Variants in JARID2 observed in about 807,000 individuals in gnomAD.
The protein encoded by JARID2 is jumonji and AT-rich interaction domain containing 2, also known as protein Jumonji.
Under a neutral mutation model 125.6 loss-of-function variants are expected in JARID2, and 21 were observed. The observed-to-expected ratio is 0.17, with a 90% CI of 0.12 to 0.24. The LOEUF is 0.24. Among genes scored for constraint, JARID2 ranks in the 10% least tolerant of loss-of-function variants. JARID2 has a pLI of 1.00. For missense variants in JARID2, 1,303 were observed against 1,639.6 expected, an observed-to-expected ratio of 0.79 and a Z score of 3.55; for synonymous variants, 736 against 661.6, an observed-to-expected ratio of 1.11 and a Z score of -1.73.
chr6:15,518,468 G>T (rs1771671800), intron 17 of JARID2, among the ~76,000 whole-genome samples: 1 of 152,170 alleles, frequency 6.6e-6, no homozygotes, highest in Non-Finnish European at 1.5e-5. Flanking sequence ...CTGTGCCTCT[G>T]TCCCCTGTTG....
At chr6:15,252,779 A>G (rs1176504079) in intron 1 of JARID2, among the ~76,000 whole-genome samples, 1 of 152,132 alleles carries the variant, frequency 6.6e-6, no homozygotes, top group Non-Finnish European at 1.5e-5. Flanking sequence ...CCTCCAGATA[A>G]CTGTACTCTT....
At chr6:15,400,742 CCTT>C (rs1765396105) in intron 2 of JARID2, 4 of 939,744 alleles carry the variant, frequency 4.3e-6, no homozygotes, top group African/African-American at 1.8e-5. Flanking sequence ...ACATAAATAA[CCTT>C]CTCTCCTGGC....
At chr6:15,403,909 G>A (rs1238021267) in intron 2 of JARID2, among the ~76,000 whole-genome samples, 3 of 152,134 alleles carry the variant, frequency 2.0e-5, no homozygotes, top group Non-Finnish European at 4.4e-5. Context: ...AGTAGTGATG[G>A]GTGGGGGTGT....
rs1759189299 is a variant in JARID2, at chr6:15,246,560, G to A, written c.21G>A (p.Lys7=). 1 of 1,613,574 alleles carries A rather than the reference G, an allele frequency of 6.2e-7. No individual in the cohort carries two copies. The highest frequency in any genetic ancestry group is 8.5e-7 in the Non-Finnish European group (1 of 1,179,634). ...TCAGAATGAGCAAGGAAAGACCCAA[G>A]AGGAATATCATTCAGAAGAAATACG... is the stretch of plus-strand genomic sequence containing the variant. MSKERP[K]RNIIQKKYDD... The change falls in exon 1 of 18, where the codon AAG becomes AAA. Residue 7 remains lysine, a synonymous_variant. Transcript: ENST00000341776.
At chr6:15,251,104 C>T (rs916923758) in intron 1 of JARID2, among the ~76,000 whole-genome samples, 5 of 152,018 alleles carry the variant, frequency 3.3e-5, no homozygotes, top group African/African-American at 9.7e-5. Flanking sequence ...CACTGTCTTC[C>T]GGGTTCAATC....
At position 15,496,157 on chromosome 6, in the gene JARID2, G is replaced by A. The variant is rs1040870474; in HGVS notation, c.932G>A (p.Arg311Gln). The A allele has an allele frequency of 1.9e-6, 3 of 1,613,318 alleles. No homozygotes were observed. Among genetic ancestry groups the A allele is most frequent in the Admixed American group, 1.7e-5 (1 of 59,992 alleles). ...GTTTCTAAGGTAAACGGAGTCACTC[G>A]AATGTCATCTCTGGGTGCAGGTGTA... The part of the protein sequence containing the change: ...KQVSKVNGVT[R>Q]MSSLGAGVTS... The change falls in exon 7 of 18, where the codon CGA becomes CAA. Residue 311 changes from arginine to glutamine, a missense_variant. This residue lies in a region of JARID2 where 651 missense variants were observed against 581.6 expected (regional missense o/e 1.12). Coordinates refer to ENST00000341776, the MANE Select transcript of JARID2 (RefSeq NM_004973.4).
intron 3 of JARID2, among the ~76,000 whole-genome samples, chr6:15,448,976 A>G (rs953330776): frequency 1.3e-5 from 2 of 152,254 alleles, no homozygotes; most frequent in African/African-American, 4.8e-5. Flanking sequence ...TAATTAAAAA[A>G]AAAAAGACAT....
At chr6:15,248,159 G>T in intron 1 of JARID2, 1 of 887,332 alleles carries the variant, frequency 1.1e-6, no homozygotes, top group South Asian at 5.2e-5. Flanking sequence ...GGGAGGCACG[G>T]CACGAGTTAA....
rs745910520 is a variant in JARID2, at chr6:15,413,002, G to GTTTTTTTTTTTTTTTTT, written c.323+2642_323+2643insTTTTTTTTTTTTTTTTT. ...AACATTATACATGGGAAGAGCTTGTGTTTTTGTTTTTTTTTTTTTTGTTTT... is the reference window on the plus strand; with the variant it reads ...AACATTATACATGGGAAGAGCTTGTGTTTTTTTTTTTTTTTTTTTTTTGTTTTTTTTTTTTTTGTTTT... On this transcript the variant is annotated intron_variant, in intron 3 of 17. Coordinates refer to ENST00000341776, the MANE Select transcript of JARID2 (RefSeq NM_004973.4). 8.4e-4 allele frequency among the ~76,000 whole-genome samples: 39 copies of GTTTTTTTTTTTTTTTTT among 46,556 alleles called. 7 individuals carry two copies. The highest frequency in any genetic ancestry group is 1.1e-3 in the African/African-American group (12 of 10,770). The allele number at this position is 46,556 out of a possible 152,430, so 30.5% of individuals were successfully genotyped here. A position where few individuals can be genotyped will look rare whatever the true frequency, so the allele number is the denominator to read the frequency against.
intron 1 of JARID2, among the ~76,000 whole-genome samples, chr6:15,352,434 A>G (rs564760218): frequency 6.6e-6 from 1 of 152,294 alleles, no homozygotes; most frequent in East Asian, 1.9e-4. Context: ...GTAGATTACT[A>G]AGTAAAAAGT....
intron 1 of JARID2, among the ~76,000 whole-genome samples, chr6:15,252,344 T>A (rs747000554): frequency 6.6e-6 from 1 of 152,238 alleles, no homozygotes; most frequent in Non-Finnish European, 1.5e-5. Context: ...TCTAACAAAC[T>A]TGTTCCCATT....
chr6:15,349,869 A>C (rs1301085575), intron 1 of JARID2, among the ~76,000 whole-genome samples: 1 of 152,150 alleles, frequency 6.6e-6, no homozygotes, highest in Non-Finnish European at 1.5e-5. Context: ...TTTGGAGATG[A>C]GACGGACACC....
intron 1 of JARID2, among the ~76,000 whole-genome samples, chr6:15,300,720 T>TGAGAGAGAGAGA (rs1264622122): frequency 3.1e-5 from 4 of 130,100 alleles, no homozygotes; most frequent in Non-Finnish European, 6.3e-5. Flanking sequence ...TGTGTGTGTG[T>TGAGAGAGAGAGA]GTGAGAGAGA....
intron 1 of JARID2, among the ~76,000 whole-genome samples, chr6:15,339,727 G>C (rs1374281295): frequency 6.6e-6 from 1 of 151,988 alleles, no homozygotes; most frequent in Non-Finnish European, 1.5e-5. Context: ...TGGAGACAGG[G>C]TTTCACCATG....
intron 1 of JARID2, among the ~76,000 whole-genome samples, chr6:15,296,434 C>A (rs1018085800): frequency 6.6e-6 from 1 of 152,024 alleles, no homozygotes; most frequent in South Asian, 2.1e-4. Flanking sequence ...TTATGTTTTA[C>A]GAGTGGTTTT....
At chr6:15,445,374 C>T (rs1365656963) in intron 3 of JARID2, among the ~76,000 whole-genome samples, 1 of 152,192 alleles carries the variant, frequency 6.6e-6, no homozygotes, top group African/African-American at 2.4e-5. Context: ...TGTGCTCCTT[C>T]GTTCTCATAA....
At chr6:15,373,998 A>C (rs1317770343) in intron 1 of JARID2, 119 bp from the exon 2 acceptor site, 6 of 1,121,852 alleles carry the variant, frequency 5.3e-6, no homozygotes, top group Non-Finnish European at 7.7e-6. Context: ...GACATTGAGA[A>C]CTGGGTCGTG....
At chr6:15,392,039 GGTGT>G (rs55811028) in intron 2 of JARID2, among the ~76,000 whole-genome samples, 19,180 of 122,648 alleles carry the variant, frequency 0.16, 1,331 homozygotes, top group Middle Eastern at 0.22. Flanking sequence ...ATCCCAGAGT[GGTGT>G]GTGTGTGTGT....
intron 5 of JARID2, among the ~76,000 whole-genome samples, chr6:15,473,731 C>G (rs1769206874): frequency 6.6e-6 from 1 of 152,228 alleles, no homozygotes; most frequent in African/African-American, 2.4e-5. Context: ...CCACAAGCCA[C>G]TACCTGGGAT....
Sources: gnomAD v4.1 joint callset for allele counts (sites outside exome capture counted in the v4.1 genomes callset) on GRCh38, gnomAD v4.1.1 for gene constraint, gnomAD v4.1.1 regional missense constraint, MANE v1.5 for transcripts, NCBI Gene and HGNC (gene_info 2026-07-23, HGNC 2026-07-21) for gene names.